PLAGL1: variants seen among roughly 807,000 people sequenced by gnomAD.
The protein encoded by PLAGL1 is PLAG1 like zinc finger 1.
In PLAGL1, 1 loss-of-function variant was observed where a neutral mutation model predicts 4.6. That is an observed-to-expected ratio of 0.22 (90% CI 0.08 to 1.03). The LOEUF (loss-of-function observed/expected upper bound fraction) is 1.03. Ranked by LOEUF, PLAGL1 falls within the 50% of genes least tolerant of loss-of-function variation. PLAGL1 has a pLI of 0.58. For missense variants in PLAGL1, 464 were observed against 570.4 expected (o/e 0.81, Z 1.90); for synonymous variants, 240 against 237.8 (o/e 1.01, Z -0.08).
At position 143,970,041 on chromosome 6, in the gene PLAGL1, A is replaced by G. The variant is rs1785133099; in HGVS notation, c.-543-1063T>C. Among the ~76,000 whole-genome samples, 1 of 152,160 alleles carries G rather than the reference A, an allele frequency of 6.6e-6. No homozygotes were observed. Among genetic ancestry groups the G allele is most frequent in the African/African-American group, 2.4e-5 (1 of 41,442 alleles). ...CAATAACTTAAACCCATCAACCCTC[A>G]CCTCCACAGATATAAATTCATTACT... is the stretch of plus-strand genomic sequence containing the variant. On this transcript the variant is annotated intron_variant, in intron 2 of 7. Coordinates refer to ENST00000674357, the MANE Select transcript of PLAGL1 (RefSeq NM_001317162.2). This position sits in a 1 kb window ranked among gnomAD's most constrained non-coding sequence, Gnocchi z 5.8.
At chr6:144,002,445 C>T (rs564985374) in intron 1 of PLAGL1, among the ~76,000 whole-genome samples, 23 of 151,776 alleles carry the variant, frequency 1.5e-4, no homozygotes, top group Middle Eastern at 3.4e-3. Flanking sequence ...CAAGAAAAGG[C>T]GAAAAAGAGA....
At chr6:143,951,310 G>A (rs1781035851) in intron 6 of PLAGL1, among the ~76,000 whole-genome samples, 1 of 152,198 alleles carries the variant, frequency 6.6e-6, no homozygotes, top group East Asian at 1.9e-4. Flanking sequence ...TACAGCTCAT[G>A]TTCTAACCAT....
Position 143,948,002 on chromosome 6 carries a change from G to A in PLAGL1, c.135C>T (p.Ser45=), listed in dbSNP as rs1369280679. The A allele has an allele frequency of 6.2e-7, 1 of 1,613,980 alleles. No individual in the cohort carries two copies. The highest frequency in any genetic ancestry group is 1.3e-5 in the African/African-American group (1 of 75,042). ...CCTCTCACCTCATCAATTTATATCTGGAAACAAAGGCTTTGCCACAGTCAG... is the reference window on the plus strand; with the variant it reads ...CCTCTCACCTCATCAATTTATATCTAGAAACAAAGGCTTTGCCACAGTCAG... ...VQPDCGKAFV[S]RYKLMRHMAT... is the part of the protein sequence containing the mutation. Residue 45 remains serine (S), a synonymous_variant, in exon 7 of 8, where the codon TCC becomes TCT. Transcript: ENST00000674357. The surrounding 1 kb of genome is among the most constrained non-coding windows in gnomAD (Gnocchi z 6.0).
rs1045640719 is a variant in PLAGL1, at chr6:144,050,308, A to T, written c.-151+14160T>A. ...GTTCTTTTATTTCCCCTTGAAATCG[A>T]CTGCTGAACTCAACTAAGTGAAATA... On this transcript the variant is annotated intron_variant, in intron 1 of 3. Coordinates refer to the PLAGL1 transcript ENST00000437412. This position sits in a 1 kb window ranked among gnomAD's most constrained non-coding sequence, Gnocchi z 4.3. Among the ~76,000 whole-genome samples the T allele has an allele frequency of 6.6e-6, 1 of 152,138 alleles. No individual in the cohort carries two copies. The highest frequency in any genetic ancestry group is 1.5e-5 in the Non-Finnish European group (1 of 68,032).
At chr6:144,031,692 C>G (rs149270863) in intron 1 of PLAGL1, among the ~76,000 whole-genome samples, 2,186 of 152,278 alleles carry the variant, frequency 0.014, 154 homozygotes, top group Admixed American at 0.13. Flanking sequence ...GTTCTCTAGT[C>G]TTTTCCATTG....
At position 144,004,144 on chromosome 6, in the gene PLAGL1, C is replaced by T. The variant is rs1237258898; in HGVS notation, c.-584+3946G>A. Among the ~76,000 whole-genome samples the T allele has an allele frequency of 6.6e-6, 1 of 151,956 alleles. No homozygotes were observed. Among genetic ancestry groups the T allele is most frequent in the Non-Finnish European group, 1.5e-5 (1 of 68,008 alleles). On this transcript the variant is annotated intron_variant, in intron 1 of 7. Coordinates refer to ENST00000674357, the MANE Select transcript of PLAGL1 (RefSeq NM_001317162.2). The surrounding 1 kb of genome is among the most constrained non-coding windows in gnomAD (Gnocchi z 4.2). ...GTGGGCCATATGGCCTCTATAACAA[C>T]TACTCAACTCTGCCAAATGGGGATA...
rs972627545 is a variant in PLAGL1 at position 144,016,431 on chromosome 6, C to A, written c.-150-47453G>T. ...AGACCACTGACTCAAATATTAATCT[C>A]TTTTGGTAACACTCTCACAGACACA... On this transcript the variant is annotated intron_variant, in intron 1 of 3. Transcript: ENST00000437412. This position sits in a 1 kb window ranked among gnomAD's most constrained non-coding sequence, Gnocchi z 4.2. Among the ~76,000 whole-genome samples the A allele has an allele frequency of 6.6e-6, 1 of 152,204 alleles. No homozygotes were observed. Among genetic ancestry groups the A allele is most frequent in the Non-Finnish European group, 1.5e-5 (1 of 68,030 alleles).
intron 1 of PLAGL1, among the ~76,000 whole-genome samples, chr6:144,044,707 G>A (rs1377018248): frequency 6.6e-6 from 1 of 152,206 alleles, no homozygotes; most frequent in African/African-American, 2.4e-5. Flanking sequence ...GTGCAGAGCT[G>A]AGTCCAAGTC....
In PLAGL1 at chr6:144,008,160, G is replaced by T. The variant is rs1387270921; in HGVS notation, c.-654C>A. On this transcript the variant is annotated 5_prime_UTR_variant, in exon 1 of 8. Transcript: ENST00000674357. This position sits in a 1 kb window ranked among gnomAD's most constrained non-coding sequence, Gnocchi z 6.9. The stretch of plus-strand genomic sequence containing the variant: ...GTGCCACCTCCGCGGCCATGACGGC[G>T]ACCCGGGGAAGCGCCCCGCGCGCCA... The T allele has an allele frequency of 6.6e-6, 1 of 151,896 alleles. No homozygotes were observed. Among genetic ancestry groups the T allele is most frequent in the African/African-American group, 2.4e-5 (1 of 41,400 alleles). 9.4% of individuals were successfully genotyped at this position (151,896 alleles called of 1,614,324 possible). A position where few individuals can be genotyped will look rare whatever the true frequency, so the allele number is the denominator to read the frequency against.
Position 144,064,174 on chromosome 6 carries a change from C to T in PLAGL1, c.-151+294G>A, listed in dbSNP as rs966009823. 1.3e-5 allele frequency among the ~76,000 whole-genome samples: 2 copies of T among 152,042 alleles called. No individual in the cohort carries two copies. The highest frequency in any genetic ancestry group is 6.5e-5 in the Admixed American group (1 of 15,280). On this transcript the variant is annotated intron_variant, in intron 1 of 3. Coordinates refer to the PLAGL1 transcript ENST00000437412. This position sits in a 1 kb window ranked among gnomAD's most constrained non-coding sequence, Gnocchi z 6.8. ...CACGTCACCCGGCCCGCCCTCCGCC[C>T]AGCGCAGAAGCGAAGAGCTGCAGAC...
chr6:143,972,344 G>A lies in PLAGL1; in HGVS notation c.-543-3366C>T, dbSNP rs1447529696. Among the ~76,000 whole-genome samples the A allele has an allele frequency of 2.0e-5, 3 of 152,212 alleles. No individual in the cohort carries two copies. The highest frequency in any genetic ancestry group is 4.4e-5 in the Non-Finnish European group (3 of 68,040). The stretch of plus-strand genomic sequence containing the variant: ...AATAGAGGTGTACACAAAGGGCTGG[G>A]GGCCAAAGGAAGAAGCCATAAATTC... On this transcript the variant is annotated intron_variant, in intron 2 of 7. Transcript: ENST00000674357. The surrounding 1 kb of genome is among the most constrained non-coding windows in gnomAD (Gnocchi z 6.8).
Position 143,995,873 on chromosome 6 carries a change from A to G in PLAGL1, c.-583-10699T>C, listed in dbSNP as rs1791497660. Among the ~76,000 whole-genome samples, 1 of 152,222 alleles carries G rather than the reference A, an allele frequency of 6.6e-6. No homozygotes were observed. Among genetic ancestry groups the G allele is most frequent in the Non-Finnish European group, 1.5e-5 (1 of 68,038 alleles). On this transcript the variant is annotated intron_variant, in intron 1 of 7. Transcript: ENST00000674357. The surrounding 1 kb of genome is among the most constrained non-coding windows in gnomAD (Gnocchi z 4.4). ...TAATAAGTATTTCCATAAAATACCT[A>G]CATTACTGGCTATATTAATGGTGGC... is the stretch of plus-strand genomic sequence containing the variant.
At position 143,941,937 on chromosome 6, in the gene PLAGL1, A is replaced by C; in HGVS notation, c.879T>G (p.Ser293=). 1 of 1,608,434 alleles carries C rather than the reference A, an allele frequency of 6.2e-7. No individual in the cohort carries two copies. The highest frequency in any genetic ancestry group is 8.5e-7 in the Non-Finnish European group (1 of 1,176,652). Residue 293 remains serine, a synonymous_variant, in exon 8 of 8, where the codon TCT becomes TCG. Coordinates refer to ENST00000674357, the MANE Select transcript of PLAGL1 (RefSeq NM_001317162.2). The surrounding 1 kb of genome is among the most constrained non-coding windows in gnomAD (Gnocchi z 6.0). ...TGTGATTGGGAAGGGGTGGCGGAGG[A>C]GAGCCAGGGGATACCGAGGGGTGGA... ...ASLHPSVSPG[S]PPPPLPNHKY... is the part of the protein sequence containing the mutation.
chr6:143,965,303 C>T lies in PLAGL1; in HGVS notation c.-430-485G>A, dbSNP rs916515464. The T allele has an allele frequency of 4.6e-5, 7 of 152,050 alleles. No homozygotes were observed. Among genetic ancestry groups the T allele is most frequent in the Non-Finnish European group, 7.4e-5 (5 of 68,008 alleles). 9.4% of individuals were successfully genotyped at this position (152,050 alleles called of 1,614,324 possible). On this transcript the variant is annotated intron_variant, in intron 4 of 7. Transcript: ENST00000674357. This position sits in a 1 kb window ranked among gnomAD's most constrained non-coding sequence, Gnocchi z 7.5. ...ACCTTCAGAAGAAGCTTATAAAGAC[C>T]CTGCTGGAAACTGAAGAGGATTTTA...
upstream of PLAGL1, among the ~76,000 whole-genome samples, chr6:144,010,962 G>A (rs1196068278): frequency 6.6e-6 from 1 of 152,054 alleles, no homozygotes; most frequent in Non-Finnish European, 1.5e-5. The surrounding 1 kb of genome is among the most constrained non-coding windows in gnomAD (Gnocchi z 4.1). Context: ...AACTCAAGAT[G>A]GACTAAAGAC....
rs1480371673 is a variant in PLAGL1 at position 144,015,911 on chromosome 6, T to C, written c.-150-46933A>G. On this transcript the variant is annotated intron_variant, in intron 1 of 3. Transcript: ENST00000437412. The surrounding 1 kb of genome is among the most constrained non-coding windows in gnomAD (Gnocchi z 4.3). ...TCCAAGAGAAATGATAACATGTCTG[T>C]GGAAAGACTTAAATGCAAATATTCA... Among the ~76,000 whole-genome samples, 1 of 152,190 alleles carries C rather than the reference T, an allele frequency of 6.6e-6. No individual in the cohort carries two copies. Among genetic ancestry groups the C allele is most frequent in the Non-Finnish European group, 1.5e-5 (1 of 68,024 alleles).
At position 143,950,209 on chromosome 6, in the gene PLAGL1, T is replaced by G. The variant is rs142416289; in HGVS notation, c.-324-1749A>C. Among the ~76,000 whole-genome samples, 2,267 of 152,220 alleles carry G rather than the reference T, an allele frequency of 0.015. 35 individuals are homozygous for G. The highest frequency in any genetic ancestry group is 0.021 in the Non-Finnish European group (1,459 of 67,994). ...TCGGCCAGCACCTTGGCACCACACC[T>G]TCTTTGTGACGGCTGTGATTCTAGC... On this transcript the variant is annotated intron_variant, in intron 6 of 7. Transcript: ENST00000674357. The surrounding 1 kb of genome is among the most constrained non-coding windows in gnomAD (Gnocchi z 6.3).
At chr6:143,981,229 C>T (rs1325667489) in intron 2 of PLAGL1, among the ~76,000 whole-genome samples, 1 of 125,952 alleles carries the variant, frequency 7.9e-6, no homozygotes, top group Non-Finnish European at 1.5e-5. Flanking sequence ...CACTTATATA[C>T]AAGGTTTTTC....
In PLAGL1 at chr6:144,039,760, A is replaced by G. The variant is rs1164468475; in HGVS notation, c.-151+24708T>C. 6.6e-6 allele frequency among the ~76,000 whole-genome samples: 1 copy of G among 152,226 alleles called. No homozygotes were observed. The highest frequency in any genetic ancestry group is 2.4e-5 in the African/African-American group (1 of 41,462). The stretch of plus-strand genomic sequence containing the variant: ...ATATACTAAATGCTACAGAAATTCC[A>G]TTCCTGGGTATAAATCCTAGACATA... On this transcript the variant is annotated intron_variant, in intron 1 of 3. Transcript: ENST00000437412. The surrounding 1 kb of genome is among the most constrained non-coding windows in gnomAD (Gnocchi z 4.1).
Sources: gnomAD v4.1 joint callset for allele counts (sites outside exome capture counted in the v4.1 genomes callset) on GRCh38, gnomAD v4.1.1 for gene constraint, Gnocchi (gnomAD v3.1) non-coding constraint, MANE v1.5 for transcripts, NCBI Gene and HGNC (gene_info 2026-07-23, HGNC 2026-07-21) for gene names.